DOCK3: variants seen among roughly 807,000 people sequenced by gnomAD.
The protein encoded by DOCK3 is dedicator of cytokinesis 3, also known as dedicator of cytokinesis protein 3.
Under a neutral mutation model 265.6 loss-of-function variants are expected in DOCK3, and 60 were observed. The observed-to-expected ratio is 0.23, with a 90% confidence interval of 0.18 to 0.28. The LOEUF (loss-of-function observed/expected upper bound fraction) is 0.28. Ranked by LOEUF, DOCK3 falls within the 10% of genes least tolerant of loss-of-function variation. The pLI, the probability that DOCK3 is intolerant of heterozygous loss-of-function variation, is 1.00. For synonymous variants in DOCK3, 881 were observed against 938.0 expected (o/e 0.94, Z 1.11); for missense variants, 1,981 against 2,594.3 (o/e 0.76, Z 5.14).
intron 21 of DOCK3, 59 bp downstream of exon 21, chr3:51,237,649 A>G (rs1324300857): frequency 1.8e-5 from 26 of 1,471,426 alleles, no homozygotes; most frequent in Non-Finnish European, 2.3e-5. Flanking sequence ...ATAGGCTTTA[A>G]AAAAGTTTAG....
chr3:51,060,572 A>G (rs2081375804), intron 5 of DOCK3, among the ~76,000 whole-genome samples: 1 of 152,246 alleles, frequency 6.6e-6, no homozygotes, highest in Admixed American at 6.5e-5. Flanking sequence ...ATTTTTGTAT[A>G]AGGTGTAAGG....
At chr3:50,956,937 A>G (rs1403767023) in intron 5 of DOCK3, among the ~76,000 whole-genome samples, 4 of 152,148 alleles carry the variant, frequency 2.6e-5, no homozygotes, top group Non-Finnish European at 5.9e-5. Flanking sequence ...ATTTCGGCTC[A>G]CTGCAACCTC....
At chr3:51,255,210 C>T (rs943826035) in intron 22 of DOCK3, among the ~76,000 whole-genome samples, 7 of 152,210 alleles carry the variant, frequency 4.6e-5, no homozygotes, top group Non-Finnish European at 8.8e-5. Context: ...TCTCTTCTGG[C>T]TTGTAGAGTT....
intron 25 of DOCK3, among the ~76,000 whole-genome samples, chr3:51,276,862 T>C (rs1278014157): frequency 6.6e-6 from 1 of 152,164 alleles, no homozygotes; most frequent in African/African-American, 2.4e-5. Context: ...AAAATCATGC[T>C]ACAGAATTTG....
intron 22 of DOCK3, among the ~76,000 whole-genome samples, chr3:51,250,976 C>G (rs917749104): frequency 6.6e-6 from 1 of 152,174 alleles, no homozygotes; most frequent in Non-Finnish European, 1.5e-5. Flanking sequence ...CCCATTAACT[C>G]GTCATTTACA....
chr3:51,195,939 T>G (rs2088268870), intron 12 of DOCK3, among the ~76,000 whole-genome samples: 1 of 151,982 alleles, frequency 6.6e-6, no homozygotes, highest in Non-Finnish European at 1.5e-5. Flanking sequence ...TTTTTTGTTG[T>G]TTTTTGTTTT....
intron 3 of DOCK3, among the ~76,000 whole-genome samples, chr3:50,842,347 GTA>G (rs1309454250): frequency 2.0e-5 from 3 of 151,974 alleles, no homozygotes; most frequent in Non-Finnish European, 4.4e-5. Flanking sequence ...ATTTGATGCA[GTA>G]TGTTTTTGTT....
intron 38 of DOCK3, among the ~76,000 whole-genome samples, chr3:51,343,126 GA>G (rs1391390123): frequency 2.7e-5 from 4 of 150,838 alleles, no homozygotes; most frequent in East Asian, 3.9e-4. Context: ...GATGCTATGG[GA>G]AAAAAAAATG....
chr3:50,861,862 T>TTG (rs1306659402), intron 3 of DOCK3, among the ~76,000 whole-genome samples: 2 of 151,756 alleles, frequency 1.3e-5, no homozygotes, highest in East Asian at 1.9e-4. Context: ...TCGTTTTTTT[T>TTG]TTTTTTTTAA....
intron 5 of DOCK3, among the ~76,000 whole-genome samples, chr3:51,001,708 T>C (rs1185904128): frequency 6.6e-6 from 1 of 152,226 alleles, no homozygotes; most frequent in African/African-American, 2.4e-5. Context: ...TATGTTTTAC[T>C]TTATGAAACT....
chr3:50,905,797 A>G (rs1443774549), intron 4 of DOCK3, among the ~76,000 whole-genome samples: 1 of 152,042 alleles, frequency 6.6e-6, no homozygotes, highest in Non-Finnish European at 1.5e-5. Flanking sequence ...TTCCAACACT[A>G]TGTTGAATAG....
chr3:50,720,695 G>A (rs1469652884), intron 1 of DOCK3, among the ~76,000 whole-genome samples: 1 of 152,032 alleles, frequency 6.6e-6, no homozygotes, highest in Admixed American at 6.5e-5. Flanking sequence ...CCAGTAATGT[G>A]ATTGCTGGTT....
At chr3:51,125,634 A>C (rs1235503137) in intron 9 of DOCK3, among the ~76,000 whole-genome samples, 2 of 152,204 alleles carry the variant, frequency 1.3e-5, no homozygotes, top group Non-Finnish European at 2.9e-5. Context: ...AAATATGTAT[A>C]TTCTGGTATT....
chr3:51,318,884 G>T (rs758025833), intron 32 of DOCK3, among the ~76,000 whole-genome samples: 14 of 151,884 alleles, frequency 9.2e-5, no homozygotes, highest in Non-Finnish European at 1.6e-4. Flanking sequence ...AAATTCAACT[G>T]ATTTTTATAT....
intron 12 of DOCK3, among the ~76,000 whole-genome samples, chr3:51,174,471 AAAATAAATAAAT>A (rs372524349): frequency 2.7e-5 from 4 of 150,102 alleles, no homozygotes; most frequent in African/African-American, 5.0e-5. Flanking sequence ...TCTTGTCTCA[AAAATAAATAAAT>A]AAATAAATAA....
chr3:50,860,452 A>G (rs185687389), intron 3 of DOCK3, among the ~76,000 whole-genome samples: 63 of 152,290 alleles, frequency 4.1e-4, no homozygotes, highest in Non-Finnish European at 5.9e-4. Flanking sequence ...TACTCATACA[A>G]TAATCTGGCC....
chr3:50,892,454 TAAG>T (rs1010372906), intron 4 of DOCK3, among the ~76,000 whole-genome samples: 25 of 152,172 alleles, frequency 1.6e-4, no homozygotes, highest in African/African-American at 5.1e-4. Context: ...TTGAAATGGC[TAAG>T]AAGAGCAATT....
At chr3:51,020,961 T>C (rs1382920122) in intron 5 of DOCK3, among the ~76,000 whole-genome samples, 7 of 151,924 alleles carry the variant, frequency 4.6e-5, no homozygotes, top group African/African-American at 1.5e-4. Context: ...AGCTCTTTTT[T>C]GGTTCCATAG....
intron 22 of DOCK3, among the ~76,000 whole-genome samples, chr3:51,257,633 A>G (rs1343963720): frequency 6.6e-6 from 1 of 152,192 alleles, no homozygotes; most frequent in East Asian, 1.9e-4. Context: ...CAAGGAGGAA[A>G]GAGAGGGCAC....
Sources: allele counts gnomAD v4.1 joint callset (sites outside exome capture counted in the v4.1 genomes callset), GRCh38; gene constraint gnomAD v4.1.1; transcripts MANE v1.5; gene names NCBI Gene and HGNC (gene_info 2026-07-23, HGNC 2026-07-21).